SPINT1: variants seen among roughly 807,000 people sequenced by gnomAD.
SPINT1 encodes the protein kunitz-type protease inhibitor 1.
Under a neutral mutation model 53.7 loss-of-function variants are expected in SPINT1, and 38 were observed. That is an observed-to-expected ratio of 0.71 (90% CI 0.55 to 0.93). SPINT1 has a LOEUF of 0.93. SPINT1 is among the 40% of genes least tolerant of loss of function. The pLI is 0.00. For synonymous variants in SPINT1, 283 were observed against 280.6 expected, an observed-to-expected ratio of 1.01 and a Z score of -0.08; for missense variants, 645 against 692.9, an observed-to-expected ratio of 0.93 and a Z score of 0.78.
rs72735651 is a variant in SPINT1 at position 40,858,065 on chromosome 15, G to T, written c.*1090G>T. ...TCCCAACAGAAGCCCTGGCTTCTGC[G>T]CTGGAGTGCAGCACCCCCAACCAGG... On this transcript the variant is annotated 3_prime_UTR_variant, in exon 11 of 11. Transcript: ENST00000562057. 1 of 151,870 alleles carries T rather than the reference G, an allele frequency of 6.6e-6. No homozygotes were observed. The highest frequency in any genetic ancestry group is 2.1e-4 in the South Asian group (1 of 4,826). 9.4% of individuals were successfully genotyped at this position (151,870 alleles called of 1,614,324 possible). A position where few individuals can be genotyped will look rare whatever the true frequency, so the allele number is the denominator to read the frequency against.
At chr15:40,854,203 A>G in intron 6 of SPINT1, 117 bp downstream of exon 6, 3 of 1,369,274 alleles carry the variant, frequency 2.2e-6, no homozygotes, top group Non-Finnish European at 3.0e-6. Flanking sequence ...GAGTTTGTGG[A>G]AGGACCACAA....
At chr15:40,846,619 C>A (rs1891307118) in intron 2 of SPINT1, among the ~76,000 whole-genome samples, 1 of 152,138 alleles carries the variant, frequency 6.6e-6, no homozygotes, top group Non-Finnish European at 1.5e-5. Flanking sequence ...CAAAATAGCC[C>A]AGTGGATAAC....
At position 40,853,168 on chromosome 15, in the gene SPINT1, C is replaced by A. The variant is rs375870778; in HGVS notation, c.520C>A (p.Gln174Lys). Residue 174 changes from glutamine (Q) to lysine (K), a missense_variant, in exon 3 of 11, where the codon CAA (glutamine) becomes AAA (lysine). Transcript: ENST00000562057. Reference sequence around the variant, plus strand: ...CTGGGCAGGCATAGACTTGAAGGTACAACCCCAGGAACCCCTGGTGCTGAA... The same window carrying A: ...CTGGGCAGGCATAGACTTGAAGGTAAAACCCCAGGAACCCCTGGTGCTGAA... ...KAWAGIDLKV[Q>K]PQEPLVLKDV... 3 of 1,614,166 alleles carry A rather than the reference C, an allele frequency of 1.9e-6. No individual in the cohort carries two copies. Among genetic ancestry groups the A allele is most frequent in the Non-Finnish European group, 2.5e-6 (3 of 1,180,006 alleles).
intron 10 of SPINT1, among the ~76,000 whole-genome samples, 155 bp downstream of exon 10, chr15:40,856,478 C>T (rs912506057): frequency 6.6e-6 from 1 of 152,156 alleles, no homozygotes; most frequent in Non-Finnish European, 1.5e-5. Context: ...GCCTGCCACA[C>T]ACGAGGGAGG....
In SPINT1 at chr15:40,853,637, G is replaced by C. The variant is rs757395236; in HGVS notation, c.742+10G>C. 1.9e-6 allele frequency: 3 copies of C among 1,613,940 alleles called. No individual in the cohort carries two copies. In the Admixed American group the frequency reaches 5.0e-5, roughly 27 times the overall value. Reference sequence around the variant, plus strand: ...ACCAAGCAGACAGAAGGTGAGGGAGGGGTGAGGAGCAGCACCTGGAGCCCC... The same window carrying C: ...ACCAAGCAGACAGAAGGTGAGGGAGCGGTGAGGAGCAGCACCTGGAGCCCC... On this transcript the variant is annotated intron_variant, in intron 4 of 10. Coordinates refer to ENST00000562057, the MANE Select transcript of SPINT1 (RefSeq NM_003710.4).
rs1431424675 is a variant in SPINT1, at chr15:40,856,888, C to G, written c.1455C>G (p.His485Gln). Residue 485 changes from histidine to glutamine, a missense_variant, in exon 11 of 11, where the codon CAC becomes CAG. His to Gln is a conservative substitution (Grantham distance 24). Coordinates refer to ENST00000562057, the MANE Select transcript of SPINT1 (RefSeq NM_003710.4). ...AGGACTTCCACGGACACCACCACCACCCACCACCCACCCCTGCCAGCTCCA... is the reference window on the plus strand; with the variant it reads ...AGGACTTCCACGGACACCACCACCAGCCACCACCCACCCCTGCCAGCTCCA... ...QRKDFHGHHH[H>Q]PPPTPASSTV... The G allele has an allele frequency of 5.0e-6, 8 of 1,614,140 alleles. No individual in the cohort carries two copies. The highest frequency in any genetic ancestry group is 6.8e-6 in the Non-Finnish European group (8 of 1,180,010).
At chr15:40,845,523 A>G (rs1891268630) in intron 2 of SPINT1, among the ~76,000 whole-genome samples, 1 of 152,114 alleles carries the variant, frequency 6.6e-6, no homozygotes, top group African/African-American at 2.4e-5. Flanking sequence ...CAGATGTCAC[A>G]GCCAGATCGC....
At chr15:40,848,845 G>T (rs1022236747) in intron 2 of SPINT1, among the ~76,000 whole-genome samples, 3 of 151,968 alleles carry the variant, frequency 2.0e-5, no homozygotes, top group Non-Finnish European at 2.9e-5. Flanking sequence ...CATACCTTTG[G>T]GGTAATAAAC....
intron 10 of SPINT1, 76 bp from the exon 11 acceptor site, chr15:40,856,694 T>C: frequency 6.3e-7 from 1 of 1,593,286 alleles, no homozygotes; most frequent in Non-Finnish European, 8.5e-7. Flanking sequence ...TGACTTGGTC[T>C]CTTCCATAGA....
rs1032069470 is a variant in SPINT1 at position 40,854,472 on chromosome 15, A to G, written c.1016A>G (p.Asp339Gly). 5 of 1,613,394 alleles carry G rather than the reference A, an allele frequency of 3.1e-6. No homozygotes were observed. Among genetic ancestry groups the G allele is most frequent in the Non-Finnish European group, 4.2e-6 (5 of 1,179,920 alleles). Reference protein sequence around the residue: ...GCCIDSFLECDDTPNCPDASD... With the variant: ...GCCIDSFLECGDTPNCPDASD... ...TGCATCGACAGTTTCCTGGAGTGTG[A>G]CGACACCCCCAACTGCCCCGACGCC... is the stretch of plus-strand genomic sequence containing the variant. The change falls in exon 7 of 11, where the codon GAC (aspartate) becomes GGC (glycine). Residue 339 changes from aspartate to glycine, a missense_variant. Coordinates refer to ENST00000562057, the MANE Select transcript of SPINT1 (RefSeq NM_003710.4).
At chr15:40,845,134 C>CT (rs1019796035) in intron 2 of SPINT1, 105 bp downstream of exon 2, 11,208 of 808,982 alleles carry the variant, frequency 0.014, 1 homozygote, top group South Asian at 0.018. Flanking sequence ...GGAGAGTTCA[C>CT]TTTTTTTTTT....
At chr15:40,855,845 A>C (rs1566858044) in intron 8 of SPINT1, 47 bp from the exon 9 acceptor site, 7 of 1,574,958 alleles carry the variant, frequency 4.4e-6, no homozygotes, top group South Asian at 3.5e-5. Context: ...AGAAGGTGGC[A>C]GGGAGGCCAT....
chr15:40,853,305 GC>G, intron 3 of SPINT1, 54 bp downstream of exon 3: 1 of 1,611,716 alleles, frequency 6.2e-7, no homozygotes, highest in Non-Finnish European at 8.5e-7. Context: ...CCTTCTTGGA[GC>G]CCCTTTCTGG....
chr15:40,853,007 G>A (rs1469377703), intron 2 of SPINT1, 117 bp from the exon 3 acceptor site: 2 of 1,341,324 alleles, frequency 1.5e-6, no homozygotes, highest in Non-Finnish European at 2.0e-6. Context: ...CATGCAGGCT[G>A]TGGAGTCCCA....
Position 40,853,849 on chromosome 15 carries a change from A to G in SPINT1, c.881A>G (p.Glu294Gly), listed in dbSNP as rs368703966. Residue 294 changes from glutamate (E) to glycine (G), a missense_variant, in exon 5 of 11, where the codon GAA (glutamate) becomes GGA (glycine). Transcript: ENST00000562057. ...LGNKNNYLRE[E>G]ECILACRGVQ... ...AACAAGAACAACTACCTTCGGGAAG[A>G]AGAGTGCATTCTAGCCTGTCGGGGT... 6.2e-7 allele frequency: 1 copy of G among 1,614,090 alleles called. No individual in the cohort carries two copies. The highest frequency in any genetic ancestry group is 1.3e-5 in the African/African-American group (1 of 74,926).
At chr15:40,850,590 C>T (rs1891427398) in intron 2 of SPINT1, among the ~76,000 whole-genome samples, 2 of 152,212 alleles carry the variant, frequency 1.3e-5, no homozygotes, top group Admixed American at 1.3e-4. Flanking sequence ...TATGACTTAA[C>T]CTATATGTTC....
intron 2 of SPINT1, among the ~76,000 whole-genome samples, chr15:40,850,234 G>A (rs556949986): frequency 2.6e-5 from 4 of 152,170 alleles, no homozygotes; most frequent in African/African-American, 7.2e-5. Context: ...CACCACACCC[G>A]GCTAATTTTG....
rs1891234927 is a variant in SPINT1, at chr15:40,844,805, G to T, written c.251G>T (p.Gly84Val). 4 of 1,613,362 alleles carry T rather than the reference G, an allele frequency of 2.5e-6. No homozygotes were observed. The highest frequency in any genetic ancestry group is 1.6e-4 in the Middle Eastern group (1 of 6,082). The part of the protein sequence containing the change: ...TFLESPTVRR[G>V]WDCVRACCTT... ...CTGGAGTCCCCCACCGTGCGCCGGG[G>T]CTGGGACTGCGTGCGCGCCTGCTGC... Residue 84 changes from glycine to valine, a missense_variant, in exon 2 of 11, where the codon GGC becomes GTC. Physicochemically the swap from Gly to Val is moderately radical, Grantham distance 109 (BLOSUM62 -3). Transcript: ENST00000562057. This position sits in a 1 kb window ranked among gnomAD's most constrained non-coding sequence, Gnocchi z 5.8.
In SPINT1 at chr15:40,853,141, G is replaced by C; in HGVS notation, c.493G>C (p.Ala165Pro). The stretch of plus-strand genomic sequence containing the variant: ...CCCGCCAGGGTCTGGGATCCCCAAG[G>C]CCTGGGCAGGCATAGACTTGAAGGT... ...QGFGGSGIPK[A>P]WAGIDLKVQP... The change falls in exon 3 of 11, where the codon GCC (alanine) becomes CCC (proline). Residue 165 changes from alanine to proline, a missense_variant. By Grantham distance (27) the Ala-to-Pro change is conservative. Transcript: ENST00000562057. The C allele has an allele frequency of 6.2e-7, 1 of 1,614,084 alleles. No individual in the cohort carries two copies. The highest frequency in any genetic ancestry group is 1.1e-5 in the South Asian group (1 of 91,084).
Sources: allele counts gnomAD v4.1 joint callset (sites outside exome capture counted in the v4.1 genomes callset), GRCh38; gene constraint gnomAD v4.1.1; non-coding constraint Gnocchi (gnomAD v3.1); transcripts MANE v1.5; gene names NCBI Gene and HGNC (gene_info 2026-07-23, HGNC 2026-07-21).